The following ACADSB variants were observed in gnomAD, a reference collection of about 807,000 sequenced individuals.
The protein encoded by ACADSB is acyl-CoA dehydrogenase short/branched chain.
Under a neutral mutation model 54.1 loss-of-function variants are expected in ACADSB, and 40 were observed. The observed-to-expected ratio is 0.74, with a 90% CI of 0.57 to 0.96. The LOEUF (loss-of-function observed/expected upper bound fraction) is 0.96. Ranked by LOEUF, ACADSB falls within the 40% of genes least tolerant of loss-of-function variation. ACADSB has a pLI of 0.00. For synonymous variants in ACADSB, 182 were observed against 182.8 expected (o/e 1.00, Z 0.03); for missense variants, 530 against 510.4 (o/e 1.04, Z -0.37).
intron 6 of ACADSB, among the ~76,000 whole-genome samples, chr10:123,043,708 A>G (rs1850509748): frequency 1.3e-5 from 2 of 151,944 alleles, no homozygotes; most frequent in Non-Finnish European, 2.9e-5. Context: ...AGTGAGGGGG[A>G]GGATGTCTTT....
At chr10:123,039,691 C>G (rs1850445742) in intron 3 of ACADSB, among the ~76,000 whole-genome samples, 1 of 152,178 alleles carries the variant, frequency 6.6e-6, no homozygotes, top group Non-Finnish European at 1.5e-5. Context: ...CCAAATGAAA[C>G]TATAGACATC....
intron 1 of ACADSB, among the ~76,000 whole-genome samples, chr10:123,033,528 T>C (rs928651570): frequency 2.0e-5 from 3 of 152,350 alleles, no homozygotes; most frequent in Admixed American, 1.3e-4. Context: ...AGATCGTTAC[T>C]GCTGCTGTTT....
rs944067601 is a variant in ACADSB, at chr10:123,054,863, A to G, written c.*1098A>G. The G allele has an allele frequency of 6.6e-6, 1 of 152,194 alleles. No individual in the cohort carries two copies. The highest frequency in any genetic ancestry group is 2.4e-5 in the African/African-American group (1 of 41,442). The allele number at this position is 152,194 out of a possible 1,614,324, so 9.4% of individuals were successfully genotyped here. A position where few individuals can be genotyped will look rare whatever the true frequency, so the allele number is the denominator to read the frequency against. ...TTGACAATTTCTGTATTTTAATTGA[A>G]TACTGTTTCTTCAGTCATGGTTATT... On this transcript the variant is annotated 3_prime_UTR_variant, in exon 11 of 11. Transcript: ENST00000358776.
At chr10:123,027,950 C>A (rs1031661892) in intron 1 of ACADSB, among the ~76,000 whole-genome samples, 2 of 152,076 alleles carry the variant, frequency 1.3e-5, no homozygotes, top group East Asian at 3.9e-4. Flanking sequence ...AGGGTGTGAC[C>A]CAGGAGCTCA....
Position 123,051,108 on chromosome 10 carries a change from A to G in ACADSB, c.1050A>G (p.Thr350=). 6.2e-7 allele frequency: 1 copy of G among 1,612,556 alleles called. No individual in the cohort carries two copies. The highest frequency in any genetic ancestry group is 8.5e-7 in the Non-Finnish European group (1 of 1,179,796). ...AGCTGGAAGCTGCAAGATTACTAAC[A>G]TACAATGCTGCTAGGCTTTTAGAAG... ...ATQLEAARLL[T]YNAARLLEAG... is the part of the protein sequence containing the mutation. The change falls in exon 9 of 11, where the codon ACA becomes ACG. Residue 350 remains threonine (T), a synonymous_variant. Coordinates refer to ENST00000358776, the MANE Select transcript of ACADSB (RefSeq NM_001609.4).
chr10:123,019,780 A>G (rs10902861), intron 1 of ACADSB, among the ~76,000 whole-genome samples: 21,622 of 152,224 alleles, frequency 0.14, 1,651 homozygotes, highest in South Asian at 0.23. Flanking sequence ...ATCCACTGCT[A>G]TAGTCAAGCT....
intron 1 of ACADSB, among the ~76,000 whole-genome samples, chr10:123,026,324 C>G (rs1850250863): frequency 1.3e-5 from 2 of 152,308 alleles, no homozygotes; most frequent in South Asian, 4.1e-4. Flanking sequence ...TAAACCTTGT[C>G]TCTACTATTG....
chr10:123,036,468 G>A (rs1850400288), intron 2 of ACADSB, among the ~76,000 whole-genome samples: 1 of 152,224 alleles, frequency 6.6e-6, no homozygotes, highest in African/African-American at 2.4e-5. Context: ...GGAAAAACAA[G>A]AGTGAGTGGT....
In ACADSB at chr10:123,044,270, T is replaced by A. The variant is rs1850519238; in HGVS notation, c.808-123T>A. 5.0e-6 allele frequency: 4 copies of A among 807,440 alleles called. No individual in the cohort carries two copies. The East Asian group carries it at 1.1e-4, about 22-fold the overall frequency. The allele number at this position is 807,440 out of a possible 1,614,324, so 50.0% of individuals were successfully genotyped here. A position where few individuals can be genotyped will look rare whatever the true frequency, so the allele number is the denominator to read the frequency against. ...AAAACAGCGTAGAGGGAGACACAGA[T>A]GCCGGCAAGTTCTGTGAGAGGGCTA... On this transcript the variant is annotated intron_variant, in intron 6 of 10. Coordinates refer to ENST00000358776, the MANE Select transcript of ACADSB (RefSeq NM_001609.4).
At chr10:123,013,911 A>T (rs1850078176) in intron 1 of ACADSB, among the ~76,000 whole-genome samples, 1 of 152,120 alleles carries the variant, frequency 6.6e-6, no homozygotes, top group Non-Finnish European at 1.5e-5. Flanking sequence ...AAGCCGAGGG[A>T]GCTGGCTCCA....
At chr10:123,041,656 T>C (rs918520351) in intron 5 of ACADSB, among the ~76,000 whole-genome samples, 2 of 152,222 alleles carry the variant, frequency 1.3e-5, no homozygotes. Flanking sequence ...TCTGCAAAGT[T>C]CCAAAAAGTA....
intron 2 of ACADSB, among the ~76,000 whole-genome samples, chr10:123,036,592 G>GA (rs925300984): frequency 2.6e-5 from 4 of 152,104 alleles, no homozygotes; most frequent in Non-Finnish European, 5.9e-5. Flanking sequence ...AGATGGGCAA[G>GA]AAAAAAATCA....
chr10:123,014,106 G>C (rs911404284), intron 1 of ACADSB, among the ~76,000 whole-genome samples: 1 of 152,050 alleles, frequency 6.6e-6, no homozygotes. Context: ...GTTTTTGAGA[G>C]AATGAGTTCC....
chr10:123,025,632 A>G (rs866603829), intron 1 of ACADSB, among the ~76,000 whole-genome samples: 1 of 152,208 alleles, frequency 6.6e-6, no homozygotes, highest in South Asian at 2.1e-4. Flanking sequence ...CTGGAAATCA[A>G]TGGGAACAGA....
intron 1 of ACADSB, among the ~76,000 whole-genome samples, chr10:123,026,649 C>T (rs1850255889): frequency 6.6e-6 from 1 of 151,414 alleles, no homozygotes; most frequent in African/African-American, 2.4e-5. Flanking sequence ...TATTTTGCAA[C>T]TATTTAAATT....
chr10:123,027,634 T>A (rs1850273599), intron 1 of ACADSB: 2 of 428,522 alleles, frequency 4.7e-6, no homozygotes, highest in Non-Finnish European at 9.4e-6. Flanking sequence ...GTCGCAGGTA[T>A]GTCTTTATCC....
At chr10:123,045,936 A>G (rs1303585026) in intron 7 of ACADSB, among the ~76,000 whole-genome samples, 1 of 152,246 alleles carries the variant, frequency 6.6e-6, no homozygotes, top group Non-Finnish European at 1.5e-5. Context: ...ATAACAGTGA[A>G]CTGAAGGCAT....
chr10:123,039,510 G>A (rs1283056774), intron 3 of ACADSB, among the ~76,000 whole-genome samples: 1 of 152,202 alleles, frequency 6.6e-6, no homozygotes, highest in Non-Finnish European at 1.5e-5. Context: ...GGCTGGCACT[G>A]GTCGTGTTTA....
chr10:123,034,871 T>A (rs572223149), intron 2 of ACADSB, among the ~76,000 whole-genome samples: 1 of 152,354 alleles, frequency 6.6e-6, no homozygotes, highest in South Asian at 2.1e-4. Context: ...GTTTCTTATA[T>A]AGCCTTGCAG....
Sources: allele counts gnomAD v4.1 joint callset (sites outside exome capture counted in the v4.1 genomes callset), GRCh38; gene constraint gnomAD v4.1.1; transcripts MANE v1.5; gene names NCBI Gene and HGNC (gene_info 2026-07-23, HGNC 2026-07-21).